The following JPT1 variants were observed in gnomAD, a reference collection of about 807,000 sequenced individuals.
JPT1 encodes Jupiter microtubule associated homolog 1, also known as androgen-regulated protein 2.
In JPT1, 5 loss-of-function variants were observed where a neutral mutation model predicts 17.0. The ratio of observed to expected loss-of-function variants is 0.29; its 90% CI spans 0.15 to 0.62. The LOEUF (loss-of-function observed/expected upper bound fraction) is 0.62. Ranked by LOEUF, JPT1 falls within the 20% of genes least tolerant of loss-of-function variation. The pLI, the probability that JPT1 is intolerant of heterozygous loss-of-function variation, is 0.85. For synonymous variants in JPT1, 71 were observed against 73.6 expected (o/e 0.96, Z 0.18); for missense variants, 158 against 188.1 (o/e 0.84, Z 0.94).
chr17:75,138,807 T>C (rs1381729662), intron 4 of JPT1, among the ~76,000 whole-genome samples: 4 of 152,234 alleles, frequency 2.6e-5, no homozygotes, highest in African/African-American at 7.2e-5. Flanking sequence ...GTATTTCTCA[T>C]TGGACAGACA....
At chr17:75,149,225 G>A (rs927711006) in intron 1 of JPT1, 25 of 395,932 alleles carry the variant, frequency 6.3e-5, no homozygotes, top group South Asian at 2.5e-4. Flanking sequence ...GCGTAGTGGC[G>A]CATGCCTGTG....
At position 75,151,053 on chromosome 17, in the gene JPT1, C is replaced by T. The variant is rs545613243; in HGVS notation, c.57-2382G>A. ...ATTTTTAGTAGAGACGGGGTTTCAC[C>T]GTGTTAGCCAGGATGGTCTCCATCT... On this transcript the variant is annotated intron_variant, in intron 1 of 4. Transcript: ENST00000409753. Among the ~76,000 whole-genome samples, 784 of 151,714 alleles carry T rather than the reference C, an allele frequency of 5.2e-3. 5 individuals are homozygous for T. The highest frequency in any genetic ancestry group is 8.8e-3 in the Non-Finnish European group (596 of 67,914).
At position 75,136,170 on chromosome 17, in the gene JPT1, C is replaced by T; in HGVS notation, c.397G>A (p.Val133Met). The change falls in exon 5 of 5, where the codon GTG (valine) becomes ATG (methionine). Residue 133 changes from valine to methionine, a missense_variant. Physicochemically the swap from Val to Met is conservative, Grantham distance 21. Transcript: ENST00000409753. ...CTGGATGGCACTGGGGCCGGGGCCA[C>T]CGGGCTGGGCACAGGCGCAGCAGGC... ...PVPAAPVPSP[V>M]APAPVPSRRN... 1 of 1,614,184 alleles carries T rather than the reference C, an allele frequency of 6.2e-7. No individual in the cohort carries two copies. Among genetic ancestry groups the T allele is most frequent in the South Asian group, 1.1e-5 (1 of 91,084 alleles).
At chr17:75,138,157 T>G (rs1459378948) in intron 4 of JPT1, among the ~76,000 whole-genome samples, 1 of 151,950 alleles carries the variant, frequency 6.6e-6, no homozygotes, top group Non-Finnish European at 1.5e-5. Context: ...AGACAGGGTT[T>G]CACCATGTTG....
At position 75,154,221 on chromosome 17, in the gene JPT1, C is replaced by A. The variant is rs561065751; in HGVS notation, c.56+121G>T. On this transcript the variant is annotated intron_variant, in intron 1 of 4. Transcript: ENST00000409753. ...GCCGACGGCAGAACCCCGCCACCCG[C>A]CCCGGCGCGAGCACAGCGCACGGGG... 10 of 679,598 alleles carry A rather than the reference C, an allele frequency of 1.5e-5. No homozygotes were observed. The South Asian group carries it at 5.4e-4, about 36-fold the overall frequency. The allele number at this position is 679,598 out of a possible 1,614,324, so 42.1% of individuals were successfully genotyped here. A position where few individuals can be genotyped will look rare whatever the true frequency, so the allele number is the denominator to read the frequency against.
intron 4 of JPT1, among the ~76,000 whole-genome samples, chr17:75,144,157 T>C (rs2074379555): frequency 6.6e-6 from 1 of 152,172 alleles, no homozygotes; most frequent in African/African-American, 2.4e-5. Flanking sequence ...GGAGCTCCTG[T>C]ACTTGGGACC....
At chr17:75,146,578 C>G (rs1053612932) in intron 4 of JPT1, 88 bp downstream of exon 4, 13 of 1,064,248 alleles carry the variant, frequency 1.2e-5, no homozygotes, top group Middle Eastern at 2.0e-4. Flanking sequence ...TCCCCAGTCT[C>G]TTTCCCCAAG....
intron 1 of JPT1, chr17:75,153,673 GGAAGAGGGGAGGCACTTC>G (rs2074588401): frequency 6.6e-6 from 1 of 151,796 alleles, no homozygotes; most frequent in Admixed American, 6.6e-5. Flanking sequence ...GGAGACACTT[GGAAGAGGGGAGGCACTTC>G]GAAGAGGGGA....
At chr17:75,136,297 C>T in intron 4 of JPT1, 47 bp from the exon 5 acceptor site, 1 of 1,493,410 alleles carries the variant, frequency 6.7e-7, no homozygotes. Flanking sequence ...ACAGCCATTT[C>T]CTGTTAAGAT....
chr17:75,152,229 C>G (rs982051026), intron 1 of JPT1, among the ~76,000 whole-genome samples: 1 of 152,180 alleles, frequency 6.6e-6, no homozygotes, highest in African/African-American at 2.4e-5. Flanking sequence ...TACACGACAA[C>G]TAAATCAGGA....
chr17:75,146,424 A>G (rs2074436095), intron 4 of JPT1: 1 of 405,668 alleles, frequency 2.5e-6, no homozygotes, highest in South Asian at 4.0e-5. Context: ...AAGTGTTGAG[A>G]TTACAGGCGT....
At chr17:75,143,946 C>A (rs1306436895) in intron 4 of JPT1, among the ~76,000 whole-genome samples, 2 of 152,004 alleles carry the variant, frequency 1.3e-5, no homozygotes, top group Non-Finnish European at 2.9e-5. Context: ...CTGCTTGAGT[C>A]CAGGAGGTTG....
intron 4 of JPT1, among the ~76,000 whole-genome samples, chr17:75,136,653 G>A (rs1192256666): frequency 6.6e-6 from 1 of 152,076 alleles, no homozygotes; most frequent in African/African-American, 2.4e-5. Context: ...CGCCATGCCC[G>A]GCTAATTCTT....
At chr17:75,152,183 T>C (rs1195839105) in intron 1 of JPT1, among the ~76,000 whole-genome samples, 1 of 152,168 alleles carries the variant, frequency 6.6e-6, no homozygotes, top group African/African-American at 2.4e-5. Flanking sequence ...AGAAAGTATC[T>C]CAATGTTTTA....
At chr17:75,153,692 G>C (rs1029267809) in intron 1 of JPT1, 2 of 152,406 alleles carry the variant, frequency 1.3e-5, no homozygotes, top group African/African-American at 2.4e-5. Flanking sequence ...GAGGCACTTC[G>C]AAGAGGGGAA....
chr17:75,151,387 G>A (rs1400342528), intron 1 of JPT1, among the ~76,000 whole-genome samples: 1 of 151,926 alleles, frequency 6.6e-6, no homozygotes, highest in Non-Finnish European at 1.5e-5. Flanking sequence ...GTCAGGAGCG[G>A]TGGCTCATGC....
At chr17:75,149,043 C>G (rs1435567323) in intron 1 of JPT1, 7 of 1,281,116 alleles carry the variant, frequency 5.5e-6, no homozygotes, top group African/African-American at 3.0e-5. Flanking sequence ...AGAAGTATTT[C>G]TTGTTATTAT....
At chr17:75,150,859 T>TTTTGTTTTG (rs1555652356) in intron 1 of JPT1, among the ~76,000 whole-genome samples, 12 of 140,282 alleles carry the variant, frequency 8.6e-5, no homozygotes, top group Non-Finnish European at 1.9e-4. Context: ...TTTTTTTTTT[T>TTTTGTTTTG]TTTTTTTTTT....
chr17:75,154,366 T>A lies in JPT1; in HGVS notation c.32A>T (p.Asp11Val), dbSNP rs2074601836. 1.3e-6 allele frequency: 2 copies of A among 1,547,850 alleles called. No homozygotes were observed. Among genetic ancestry groups the A allele is most frequent in the East Asian group, 4.9e-5 (2 of 40,544 alleles). The change falls in exon 1 of 5, where the codon GAC (aspartate) becomes GTC (valine). Residue 11 changes from aspartate (D) to valine (V), a missense_variant. Coordinates refer to ENST00000409753, the MANE Select transcript of JPT1 (RefSeq NM_016185.4). ...CCGGGAGCTATTCCTGCTGTTGGGGTCGACTCCCTTGAAGGTGGTGGTTGT... is the reference window on the plus strand; with the variant it reads ...CCGGGAGCTATTCCTGCTGTTGGGGACGACTCCCTTGAAGGTGGTGGTTGT... MTTTTTFKGV[D>V]PNSRNSSRVL...
Sources: allele counts gnomAD v4.1 joint callset (sites outside exome capture counted in the v4.1 genomes callset), GRCh38; gene constraint gnomAD v4.1.1; transcripts MANE v1.5; gene names NCBI Gene and HGNC (gene_info 2026-07-23, HGNC 2026-07-21).